Variants in PRKCB observed in about 807,000 individuals in gnomAD.
PRKCB encodes protein kinase C beta.
A neutral mutation model predicts 81.5 loss-of-function variants in PRKCB; 13 were observed. The observed-to-expected ratio is 0.16, with a 90% CI of 0.10 to 0.25. PRKCB has a LOEUF of 0.25. PRKCB is among the 10% of genes least tolerant of loss of function. PRKCB has a pLI of 1.00. For missense variants in PRKCB, 509 were observed against 875.7 expected, an observed-to-expected ratio of 0.58 and a Z score of 5.29; for synonymous variants, 335 against 321.4, an observed-to-expected ratio of 1.04 and a Z score of -0.45.
intron 3 of PRKCB, among the ~76,000 whole-genome samples, chr16:24,001,132 C>G (rs1965029307): frequency 6.6e-6 from 1 of 152,118 alleles, no homozygotes; most frequent in African/African-American, 2.4e-5. Context: ...ATAAGGGATA[C>G]AGGTTACCCT....
At chr16:23,836,926 C>T (rs971454933) in intron 1 of PRKCB, among the ~76,000 whole-genome samples, 8 of 152,006 alleles carry the variant, frequency 5.3e-5, no homozygotes, top group African/African-American at 1.9e-4. Context: ...CACATCACTG[C>T]GGGCCCCTTT....
rs1351650640 is a variant in PRKCB at position 24,220,167 on chromosome 16, A to G, written c.*5351A>G. 6.3e-6 allele frequency: 10 copies of G among 1,599,228 alleles called. No homozygotes were observed. In the East Asian group the frequency reaches 2.0e-4, roughly 32 times the overall value. On this transcript the variant is annotated 3_prime_UTR_variant, in exon 17 of 17. Transcript: ENST00000643927. ...GGGTGTAAGACTTCAAGCCAAGCGT[A>G]TGTATCAATTCTAGTCTTCCAGGAT...
chr16:23,884,721 T>C (rs57301861), intron 2 of PRKCB, among the ~76,000 whole-genome samples: 27,526 of 151,990 alleles, frequency 0.18, 2,612 homozygotes, highest in Middle Eastern at 0.28. Flanking sequence ...TTTTATTTTT[T>C]GTAGCTGCAA....
Position 24,215,145 on chromosome 16 carries a change from A to T in PRKCB, c.*329A>T. On this transcript the variant is annotated 3_prime_UTR_variant, in exon 17 of 17. Coordinates refer to ENST00000643927, the MANE Select transcript of PRKCB (RefSeq NM_002738.7). ...TCTTTCCCTCTTTTTCTGCACTGCC[A>T]TATTCACCCCCAACCATCCAATCTG... 1.8e-5 allele frequency: 20 copies of T among 1,085,298 alleles called. No homozygotes were observed. Among genetic ancestry groups the T allele is most frequent in the Non-Finnish European group, 2.0e-5 (18 of 889,422 alleles). The allele number at this position is 1,085,298 out of a possible 1,614,324, so 67.2% of individuals were successfully genotyped here.
chr16:23,974,947 A>G (rs942002894), intron 2 of PRKCB, among the ~76,000 whole-genome samples: 5 of 152,140 alleles, frequency 3.3e-5, no homozygotes, highest in African/African-American at 1.2e-4. Context: ...TGATTCCCCA[A>G]TGTTGTGAGG....
intron 9 of PRKCB, among the ~76,000 whole-genome samples, chr16:24,139,223 T>C (rs905893968): frequency 6.6e-6 from 1 of 152,186 alleles, no homozygotes; most frequent in Non-Finnish European, 1.5e-5. Flanking sequence ...TTCATGAACA[T>C]TTATTTCAGC....
chr16:24,140,568 TA>T (rs1364406693), intron 9 of PRKCB, among the ~76,000 whole-genome samples: 3 of 151,994 alleles, frequency 2.0e-5, no homozygotes, highest in Non-Finnish European at 4.4e-5. Flanking sequence ...GATGCAGTCA[TA>T]GGGGTGTGGA....
At chr16:24,095,894 T>C (rs907096607) in intron 7 of PRKCB, among the ~76,000 whole-genome samples, 3 of 151,360 alleles carry the variant, frequency 2.0e-5, no homozygotes, top group Non-Finnish European at 4.4e-5. Context: ...TGGTAATCCT[T>C]TATGTCTACA....
At chr16:24,064,682 C>T (rs1004855688) in intron 5 of PRKCB, among the ~76,000 whole-genome samples, 12 of 151,868 alleles carry the variant, frequency 7.9e-5, no homozygotes, top group African/African-American at 2.4e-4. Flanking sequence ...TTTAAGTCTC[C>T]TATTATGATT....
intron 2 of PRKCB, among the ~76,000 whole-genome samples, chr16:23,898,797 C>T (rs761302999): frequency 3.3e-5 from 5 of 152,128 alleles, no homozygotes; most frequent in Non-Finnish European, 5.9e-5. Context: ...AGGAGGACCG[C>T]CTATTTGCCA....
chr16:24,000,509 A>G (rs567458029), intron 3 of PRKCB, among the ~76,000 whole-genome samples: 10 of 152,360 alleles, frequency 6.6e-5, no homozygotes, highest in African/African-American at 2.4e-4. Context: ...TCTATGCCCT[A>G]GTCTCCTTAT....
chr16:24,200,214 AG>A (rs1459087964), intron 16 of PRKCB, among the ~76,000 whole-genome samples: 2 of 152,208 alleles, frequency 1.3e-5, no homozygotes, highest in Non-Finnish European at 2.9e-5. Flanking sequence ...ATTAAGGAGT[AG>A]AGGTTTCCCT....
chr16:23,919,657 A>G (rs1963795111), intron 2 of PRKCB, among the ~76,000 whole-genome samples: 1 of 152,094 alleles, frequency 6.6e-6, no homozygotes, highest in Non-Finnish European at 1.5e-5. Context: ...AAAACTCAAC[A>G]ATTCTCCATT....
chr16:23,980,927 A>G (rs1393641302), intron 2 of PRKCB, among the ~76,000 whole-genome samples: 1 of 151,970 alleles, frequency 6.6e-6, no homozygotes, highest in Non-Finnish European at 1.5e-5. Context: ...TTGAGATCTC[A>G]GTGCTTTTCC....
intron 5 of PRKCB, among the ~76,000 whole-genome samples, chr16:24,047,607 G>C (rs1032113499): frequency 3.9e-5 from 6 of 151,936 alleles, no homozygotes; most frequent in Non-Finnish European, 8.8e-5. Context: ...GGCTGGATTT[G>C]TACCCTGGGT....
chr16:23,887,311 T>G (rs1310236518), intron 2 of PRKCB, among the ~76,000 whole-genome samples: 2 of 152,198 alleles, frequency 1.3e-5, no homozygotes, highest in African/African-American at 4.8e-5. Flanking sequence ...ATAGTGAGCA[T>G]AGTACCCAGT....
At chr16:24,176,387 T>C (rs969209301) in intron 12 of PRKCB, among the ~76,000 whole-genome samples, 11 of 152,192 alleles carry the variant, frequency 7.2e-5, no homozygotes, top group Non-Finnish European at 1.5e-4. Context: ...CACTCCAGCC[T>C]GGGCAACAGA....
intron 2 of PRKCB, among the ~76,000 whole-genome samples, chr16:23,868,191 C>G (rs1295144633): frequency 6.6e-6 from 1 of 152,088 alleles, no homozygotes; most frequent in Non-Finnish European, 1.5e-5. Flanking sequence ...TTCTTCAGGT[C>G]CTGCAAAAAA....
In PRKCB at chr16:24,078,920, G is replaced by A. The variant is rs539142777; in HGVS notation, c.530-13871G>A. Among the ~76,000 whole-genome samples the A allele has an allele frequency of 5.8e-4, 88 of 152,246 alleles. 1 individual carries two copies. Among genetic ancestry groups the A allele is most frequent in the African/African-American group, 1.9e-3 (79 of 41,552 alleles). On this transcript the variant is annotated intron_variant, in intron 5 of 16. Transcript: ENST00000643927. ...ACCTCCAAGATTTCAAAGCTTCTGG[G>A]TCCCAGGAGGACTCAGTTACTGAGC...
Sources: allele counts gnomAD v4.1 joint callset (sites outside exome capture counted in the v4.1 genomes callset), GRCh38; gene constraint gnomAD v4.1.1; transcripts MANE v1.5; gene names NCBI Gene and HGNC (gene_info 2026-07-23, HGNC 2026-07-21).